Variants in MEGF10 observed in about 807,000 individuals in gnomAD.
The protein encoded by MEGF10 is multiple EGF like domains 10.
MEGF10 carries 86 observed loss-of-function variants against 147.5 expected under a neutral mutation model. That is an observed-to-expected ratio of 0.58 (90% CI 0.49 to 0.70). The LOEUF is 0.70. MEGF10 is among the 30% of genes least tolerant of loss of function. MEGF10 has a pLI of 0.00. For synonymous variants in MEGF10, 478 were observed against 525.5 expected, an observed-to-expected ratio of 0.91 and a Z score of 1.24; for missense variants, 1,329 against 1,487.3, an observed-to-expected ratio of 0.89 and a Z score of 1.75.
At chr5:127,320,239 C>T (rs1225388791) in intron 1 of MEGF10, among the ~76,000 whole-genome samples, 5 of 152,282 alleles carry the variant, frequency 3.3e-5, no homozygotes, top group African/African-American at 9.6e-5. Flanking sequence ...CTAGAATTTA[C>T]CCCTGTCATT....
At chr5:127,245,582 G>A in the MEGF10 span, among the ~76,000 whole-genome samples, 1 of 152,030 alleles carries the variant, frequency 6.6e-6, no homozygotes, top group Admixed American at 6.6e-5. Flanking sequence ...CAAACGCAAT[G>A]GCAACAAAAG....
chr5:127,333,222 AAG>A (rs1030613672), intron 2 of MEGF10, among the ~76,000 whole-genome samples: 3 of 152,164 alleles, frequency 2.0e-5, no homozygotes, highest in Non-Finnish European at 4.4e-5. Context: ...GAAAGACTAT[AAG>A]AGAAAAAAAG....
chr5:127,268,797 G>A, the MEGF10 span, among the ~76,000 whole-genome samples: 1 of 152,226 alleles, frequency 6.6e-6, no homozygotes, highest in Non-Finnish European at 1.5e-5. Context: ...CTCCTCAGGT[G>A]GGTCCCTGAC....
the MEGF10 span, among the ~76,000 whole-genome samples, chr5:127,232,115 G>A: frequency 2.0e-5 from 3 of 152,290 alleles, no homozygotes; most frequent in East Asian, 5.8e-4. Flanking sequence ...ATTTTTCATG[G>A]ATTTCAAATA....
intron 1 of MEGF10, among the ~76,000 whole-genome samples, chr5:127,310,359 G>C (rs1013650195): frequency 6.6e-6 from 1 of 151,854 alleles, no homozygotes; most frequent in African/African-American, 2.4e-5. Flanking sequence ...CATTCTGTGG[G>C]TTGTGTTTTC....
chr5:127,326,373 A>G (rs1385642199), intron 1 of MEGF10, among the ~76,000 whole-genome samples: 8 of 152,170 alleles, frequency 5.3e-5, no homozygotes, highest in African/African-American at 1.9e-4. Flanking sequence ...TAGCACTTGT[A>G]CTGTTTGAAA....
intron 5 of MEGF10, among the ~76,000 whole-genome samples, chr5:127,384,112 A>G (rs983861040): frequency 3.3e-5 from 5 of 152,180 alleles, no homozygotes; most frequent in African/African-American, 9.7e-5. Flanking sequence ...GTACATGGAC[A>G]TAGGTCCTCT....
intron 1 of MEGF10, among the ~76,000 whole-genome samples, chr5:127,328,838 C>T (rs1761143976): frequency 6.6e-6 from 1 of 152,184 alleles, no homozygotes; most frequent in African/African-American, 2.4e-5. Flanking sequence ...AAATACTTCT[C>T]ACATAGATAA....
intron 6 of MEGF10, among the ~76,000 whole-genome samples, chr5:127,397,264 T>G (rs993799181): frequency 4.6e-5 from 7 of 152,188 alleles, no homozygotes; most frequent in African/African-American, 1.7e-4. Flanking sequence ...AATAAAAGAT[T>G]AACTCTTAGG....
chr5:127,369,857 G>C (rs1237732080), intron 4 of MEGF10, 53 bp from the exon 5 acceptor site: 2 of 1,458,938 alleles, frequency 1.4e-6, no homozygotes, highest in African/African-American at 1.4e-5. Context: ...TGTGTTGTTG[G>C]CTTTTTTTTC....
At chr5:127,295,504 C>T (rs1051159148) in intron 1 of MEGF10, among the ~76,000 whole-genome samples, 1 of 152,180 alleles carries the variant, frequency 6.6e-6, no homozygotes, top group African/African-American at 2.4e-5. Context: ...TCCCATTTCC[C>T]ATTCACTTTT....
intron 21 of MEGF10, 65 bp from the exon 22 acceptor site, chr5:127,449,034 C>T (rs1766054154): frequency 6.3e-7 from 1 of 1,590,328 alleles, no homozygotes; most frequent in African/African-American, 1.3e-5. Context: ...TCCCCAGGTC[C>T]ATAACGCTGT....
intron 5 of MEGF10, among the ~76,000 whole-genome samples, chr5:127,391,378 C>G (rs868032642): frequency 1.3e-5 from 2 of 151,780 alleles, no homozygotes; most frequent in Admixed American, 6.6e-5. Flanking sequence ...GAGTTCAAGA[C>G]CAGCCTGGGC....
intron 4 of MEGF10, among the ~76,000 whole-genome samples, chr5:127,366,245 T>C (rs1226079440): frequency 2.6e-5 from 4 of 152,092 alleles, no homozygotes; most frequent in Non-Finnish European, 5.9e-5. Context: ...TAAAGAGAGT[T>C]CTATAGCTTA....
chr5:127,456,609 A>T (rs1766371833), intron 24 of MEGF10, among the ~76,000 whole-genome samples: 1 of 152,214 alleles, frequency 6.6e-6, no homozygotes, highest in Non-Finnish European at 1.5e-5. Flanking sequence ...ACAGCTTTTT[A>T]AAATGCAAGT....
chr5:127,440,690 T>C, intron 17 of MEGF10, 49 bp from the exon 18 acceptor site: 1 of 1,601,230 alleles, frequency 6.2e-7, no homozygotes. Context: ...CCTCCAAGTG[T>C]TTCTCTTCAG....
intron 4 of MEGF10, among the ~76,000 whole-genome samples, chr5:127,360,765 G>C (rs1451579011): frequency 6.6e-6 from 1 of 151,292 alleles, no homozygotes; most frequent in Non-Finnish European, 1.5e-5. Flanking sequence ...TATCATTCAG[G>C]TCTACTTAGG....
chr5:127,343,058 C>T (rs1432853908), intron 4 of MEGF10, among the ~76,000 whole-genome samples: 5 of 152,030 alleles, frequency 3.3e-5, no homozygotes, highest in Admixed American at 3.3e-4. Flanking sequence ...ACAGTTGGCA[C>T]AAGTGAGGCA....
At chr5:127,408,255 A>G (rs1764411187) in intron 8 of MEGF10, among the ~76,000 whole-genome samples, 1 of 152,240 alleles carries the variant, frequency 6.6e-6, no homozygotes, top group Non-Finnish European at 1.5e-5. Context: ...AGTTGAAATA[A>G]TGAAGATAGT....
Sources: gnomAD v4.1 joint callset for allele counts (sites outside exome capture counted in the v4.1 genomes callset) on GRCh38, gnomAD v4.1.1 for gene constraint, MANE v1.5 for transcripts, NCBI Gene and HGNC (gene_info 2026-07-23, HGNC 2026-07-21) for gene names.